Variants in LINGO2 observed in about 807,000 individuals in gnomAD.
LINGO2 encodes the protein leucine rich repeat and Ig domain containing 2.
Under a neutral mutation model 30.6 loss-of-function variants are expected in LINGO2, and 14 were observed. That is an observed-to-expected ratio of 0.46 (90% CI 0.30 to 0.72). The LOEUF is 0.72. Among genes scored for constraint, LINGO2 ranks in the 30% least tolerant of loss-of-function variants. The pLI is 0.07. For synonymous variants in LINGO2, 317 were observed against 288.5 expected (o/e 1.10, Z -1.00); for missense variants, 729 against 751.7 (o/e 0.97, Z 0.35).
At chr9:28,263,928 C>G (rs1691699591) in intron 4 of LINGO2, among the ~76,000 whole-genome samples, 1 of 152,022 alleles carries the variant, frequency 6.6e-6, no homozygotes, top group Admixed American at 6.6e-5. Context: ...ATATGTATGT[C>G]TCCTACGGTA....
chr9:28,534,163 A>T (rs564575321), intron 1 of LINGO2, among the ~76,000 whole-genome samples: 2 of 152,116 alleles, frequency 1.3e-5, no homozygotes, highest in South Asian at 4.1e-4. Flanking sequence ...TGCTTTATTT[A>T]TTTATTTATT....
At chr9:28,182,075 T>G (rs1819364460) in intron 4 of LINGO2, among the ~76,000 whole-genome samples, 1 of 152,170 alleles carries the variant, frequency 6.6e-6, no homozygotes, top group South Asian at 2.1e-4. Flanking sequence ...ACTACAAGGC[T>G]ACAGTAACCA....
chr9:28,876,763 C>T, the LINGO2 span, among the ~76,000 whole-genome samples: 6 of 152,164 alleles, frequency 3.9e-5, no homozygotes, highest in East Asian at 7.7e-4. Context: ...TGGGTATATA[C>T]CCAGTAATAG....
intron 1 of LINGO2, among the ~76,000 whole-genome samples, chr9:28,530,205 CAA>C (rs1821177237): frequency 6.6e-6 from 1 of 151,782 alleles, no homozygotes; most frequent in Non-Finnish European, 1.5e-5. Context: ...CAATTCCAGA[CAA>C]GTTTAATAGC....
At chr9:28,209,958 T>G (rs897020164) in intron 4 of LINGO2, among the ~76,000 whole-genome samples, 18 of 151,818 alleles carry the variant, frequency 1.2e-4, no homozygotes, top group African/African-American at 4.1e-4. Flanking sequence ...CTCCTTAGCT[T>G]TAGGGTTACA....
intron 4 of LINGO2, among the ~76,000 whole-genome samples, chr9:28,152,458 A>G (rs1418173644): frequency 1.3e-5 from 2 of 152,152 alleles, no homozygotes; most frequent in African/African-American, 2.4e-5. Context: ...ACTGTGGGGC[A>G]GCCAACAAAC....
the LINGO2 span, among the ~76,000 whole-genome samples, chr9:28,798,426 A>G: frequency 6.6e-6 from 1 of 152,222 alleles, no homozygotes; most frequent in South Asian, 2.1e-4. Context: ...CAGGAGATAA[A>G]ACAGAGTGTA....
intron 4 of LINGO2, among the ~76,000 whole-genome samples, chr9:28,079,595 A>G (rs928817966): frequency 1.3e-5 from 2 of 152,156 alleles, no homozygotes; most frequent in African/African-American, 4.8e-5. Flanking sequence ...TGCACTTAAT[A>G]CTTCTTGTTT....
chr9:28,756,497 TG>T, the LINGO2 span, among the ~76,000 whole-genome samples: 1 of 151,958 alleles, frequency 6.6e-6, no homozygotes, highest in South Asian at 2.1e-4. Context: ...AATGCATGAT[TG>T]GTTTTGAAAT....
At chr9:28,411,932 T>G (rs776411805) in intron 2 of LINGO2, among the ~76,000 whole-genome samples, 5 of 152,052 alleles carry the variant, frequency 3.3e-5, no homozygotes, top group Non-Finnish European at 7.4e-5. Context: ...AAACTTGTTA[T>G]TTTTTTATTA....
At chr9:28,159,117 A>T (rs1828216676) in intron 4 of LINGO2, among the ~76,000 whole-genome samples, 1 of 152,194 alleles carries the variant, frequency 6.6e-6, no homozygotes, top group African/African-American at 2.4e-5. Flanking sequence ...CTGCTTTATA[A>T]GGTATAAAAA....
chr9:28,646,138 G>C (rs1359774172), intron 1 of LINGO2, among the ~76,000 whole-genome samples: 4 of 151,976 alleles, frequency 2.6e-5, no homozygotes, highest in Non-Finnish European at 4.4e-5. Flanking sequence ...TTTACTTTTT[G>C]TCAGGAAAAT....
intron 4 of LINGO2, among the ~76,000 whole-genome samples, chr9:28,105,242 C>T (rs542689667): frequency 6.6e-6 from 1 of 152,202 alleles, no homozygotes; most frequent in Middle Eastern, 3.4e-3. Context: ...TGAGAAGTCA[C>T]GTTATTAGGA....
At chr9:28,373,328 C>T (rs1820978035) in intron 2 of LINGO2, among the ~76,000 whole-genome samples, 1 of 152,190 alleles carries the variant, frequency 6.6e-6, no homozygotes, top group Non-Finnish European at 1.5e-5. Context: ...GATTAGAACA[C>T]AGGCTTTTGC....
At chr9:28,577,347 T>G (rs190533027) in intron 1 of LINGO2, among the ~76,000 whole-genome samples, 1 of 152,108 alleles carries the variant, frequency 6.6e-6, no homozygotes, top group Non-Finnish European at 1.5e-5. Flanking sequence ...ACTGGATGAC[T>G]CCACTGAGAC....
chr9:28,528,335 G>C (rs576529346), intron 1 of LINGO2, among the ~76,000 whole-genome samples: 1 of 152,258 alleles, frequency 6.6e-6, no homozygotes, highest in Non-Finnish European at 1.5e-5. Flanking sequence ...TCAGAACTGA[G>C]CTGTTTTCAT....
intron 4 of LINGO2, among the ~76,000 whole-genome samples, chr9:28,018,199 AAACT>A (rs1416114390): frequency 6.6e-6 from 1 of 152,166 alleles, no homozygotes; most frequent in Non-Finnish European, 1.5e-5. Context: ...CCATATCCCA[AAACT>A]AACTCAAGAT....
the LINGO2 span, chr9:27,943,054 T>C: frequency 6.6e-6 from 1 of 152,170 alleles, no homozygotes; most frequent in Non-Finnish European, 1.5e-5. Flanking sequence ...CTGCTGGACA[T>C]ACATTGTAAA....
At chr9:28,111,630 C>T (rs1056104559) in intron 4 of LINGO2, among the ~76,000 whole-genome samples, 1 of 152,018 alleles carries the variant, frequency 6.6e-6, no homozygotes, top group Non-Finnish European at 1.5e-5. Flanking sequence ...ATGTGCTCCC[C>T]CTTTCTGCAA....
Sources: allele counts gnomAD v4.1 joint callset (sites outside exome capture counted in the v4.1 genomes callset), GRCh38; gene constraint gnomAD v4.1.1; transcripts MANE v1.5; gene names NCBI Gene and HGNC (gene_info 2026-07-23, HGNC 2026-07-21).